NDST3: variants seen among roughly 807,000 people sequenced by gnomAD.
NDST3 encodes the protein bifunctional heparan sulfate N-deacetylase/N-sulfotransferase 3.
NDST3 carries 58 observed loss-of-function variants against 96.1 expected under a neutral mutation model. The ratio of observed to expected loss-of-function variants is 0.60; its 90% confidence interval spans 0.49 to 0.75. The LOEUF (loss-of-function observed/expected upper bound fraction) is 0.75, where lower values mean the gene tolerates loss of function less well. Ranked by LOEUF, NDST3 falls within the 30% of genes least tolerant of loss-of-function variation. The pLI, the probability that NDST3 is intolerant of heterozygous loss-of-function variation, is 0.00. For missense variants in NDST3, 788 were observed against 1,034.2 expected, an observed-to-expected ratio of 0.76 and a Z score of 3.27; for synonymous variants, 333 against 359.7, an observed-to-expected ratio of 0.93 and a Z score of 0.84.
intron 2 of NDST3, among the ~76,000 whole-genome samples, chr4:118,075,712 G>A (rs1005609862): frequency 2.0e-5 from 3 of 151,122 alleles, no homozygotes; most frequent in Non-Finnish European, 2.9e-5. Flanking sequence ...AAAAGTGTCT[G>A]TTCATGTCCT....
rs975235604 is a variant in NDST3, at chr4:118,255,885, C to G, written c.*173C>G. 1.4e-6 allele frequency: 1 copy of G among 733,904 alleles called. No individual in the cohort carries two copies. Among genetic ancestry groups the G allele is most frequent in the East Asian group, 3.2e-5 (1 of 31,714 alleles). The allele number at this position is 733,904 out of a possible 1,614,324, so 45.5% of individuals were successfully genotyped here. A position where few individuals can be genotyped will look rare whatever the true frequency, so the allele number is the denominator to read the frequency against. ...AGAAAAAAAGAAAAAGTATGTGTTA[C>G]AAGCCTTGAGGCCTGTGGCCTTTCT... On this transcript the variant is annotated 3_prime_UTR_variant, in exon 14 of 14. Transcript: ENST00000296499.
intron 1 of NDST3, among the ~76,000 whole-genome samples, chr4:118,041,982 A>G (rs1578524418): frequency 6.6e-6 from 1 of 152,334 alleles, no homozygotes; most frequent in East Asian, 1.9e-4. Context: ...GGAAGAATAC[A>G]GTTGGTCAGC....
chr4:118,056,698 A>T (rs971720395), intron 2 of NDST3, among the ~76,000 whole-genome samples: 1 of 151,948 alleles, frequency 6.6e-6, no homozygotes, highest in African/African-American at 2.4e-5. Flanking sequence ...TCCAGAGAAG[A>T]GGGGCAGGGG....
intron 1 of NDST3, among the ~76,000 whole-genome samples, chr4:118,050,571 A>T (rs991426129): frequency 5.9e-5 from 9 of 152,028 alleles, no homozygotes; most frequent in African/African-American, 2.2e-4. Flanking sequence ...TCCTATACAT[A>T]TATCAATAAT....
intron 1 of NDST3, among the ~76,000 whole-genome samples, chr4:118,045,095 A>G (rs1724688736): frequency 6.6e-6 from 1 of 152,074 alleles, no homozygotes; most frequent in Admixed American, 6.5e-5. Flanking sequence ...ACCCATACAT[A>G]GTCAAATTTA....
At chr4:118,143,147 G>A (rs1324719996) in intron 5 of NDST3, among the ~76,000 whole-genome samples, 4 of 152,094 alleles carry the variant, frequency 2.6e-5, no homozygotes, top group Non-Finnish European at 5.9e-5. Flanking sequence ...GCAGAATTTG[G>A]CAGAAAATAT....
intron 6 of NDST3, among the ~76,000 whole-genome samples, chr4:118,215,986 T>G (rs574218918): frequency 3.4e-4 from 52 of 152,124 alleles, no homozygotes; most frequent in African/African-American, 1.2e-3. Flanking sequence ...AAGAAGAATA[T>G]CCAGTAGTAC....
intron 6 of NDST3, among the ~76,000 whole-genome samples, chr4:118,170,944 G>C (rs1365020770): frequency 6.6e-6 from 1 of 152,088 alleles, no homozygotes; most frequent in Non-Finnish European, 1.5e-5. Context: ...TAGAAGGCAG[G>C]CTGCTTACCA....
At chr4:118,171,985 C>T (rs1051755011) in intron 6 of NDST3, among the ~76,000 whole-genome samples, 1 of 152,094 alleles carries the variant, frequency 6.6e-6, no homozygotes, top group Non-Finnish European at 1.5e-5. Context: ...TTCCATGTCC[C>T]CTTCTGTAAA....
chr4:118,196,950 T>C (rs1047690415), intron 6 of NDST3, among the ~76,000 whole-genome samples: 6 of 151,850 alleles, frequency 4.0e-5, no homozygotes, highest in Admixed American at 6.5e-5. Context: ...TGAAGTTTTT[T>C]TTTTTTTTAA....
rs896633649 is a variant in NDST3, at chr4:118,255,678, C to T, written c.2588C>T (p.Ser863Phe). The T allele has an allele frequency of 1.2e-6, 2 of 1,613,608 alleles. No homozygotes were observed. The highest frequency in any genetic ancestry group is 1.7e-6 in the Non-Finnish European group (2 of 1,179,678). The change falls in exon 14 of 14, where the codon TCC (serine) becomes TTC (phenylalanine). Residue 863 changes from serine to phenylalanine, a missense_variant. Coordinates refer to ENST00000296499, the MANE Select transcript of NDST3 (RefSeq NM_004784.3). ...LLHKLGQPLP[S>F]WLRQELQKVR ...CACAAACTGGGTCAGCCTCTGCCATCCTGGCTGAGACAGGAGCTGCAGAAA... is the reference window on the plus strand; with the variant it reads ...CACAAACTGGGTCAGCCTCTGCCATTCTGGCTGAGACAGGAGCTGCAGAAA...
intron 6 of NDST3, among the ~76,000 whole-genome samples, chr4:118,155,831 T>C (rs1734677470): frequency 6.6e-6 from 1 of 152,196 alleles, no homozygotes; most frequent in South Asian, 2.1e-4. Context: ...AGTTGTGCTT[T>C]TTATTTGACC....
intron 1 of NDST3, among the ~76,000 whole-genome samples, 156 bp downstream of exon 1, chr4:118,034,748 GATTAA>G (rs1427497909): frequency 1.3e-5 from 2 of 152,190 alleles, no homozygotes; most frequent in African/African-American, 2.4e-5. Context: ...AGAGTATTTT[GATTAA>G]ATTAAGTGAA....
At position 118,178,465 on chromosome 4, in the gene NDST3, G is replaced by A. The variant is rs530134504; in HGVS notation, c.1539+34781G>A. ...TATTGTTACTGGCTTATTTCACTTA[G>A]CATAATATCCTCAAGGTTCATTGAT... On this transcript the variant is annotated intron_variant, in intron 6 of 13. Transcript: ENST00000296499. 3.1e-3 allele frequency among the ~76,000 whole-genome samples: 472 copies of A among 152,116 alleles called. 1 individual carries two copies. The highest frequency in any genetic ancestry group is 0.011 in the African/African-American group (441 of 41,556).
chr4:118,209,370 G>A (rs1175221656), intron 6 of NDST3, among the ~76,000 whole-genome samples: 5 of 152,042 alleles, frequency 3.3e-5, no homozygotes, highest in East Asian at 1.9e-4. Context: ...ACTGCAATGG[G>A]GTCTTTCAGA....
chr4:118,254,626 T>C (rs1002859222), intron 13 of NDST3, among the ~76,000 whole-genome samples: 69 of 152,322 alleles, frequency 4.5e-4, no homozygotes, highest in African/African-American at 1.7e-3. Context: ...TAGTTAGTAG[T>C]TTCAATATAA....
chr4:118,122,166 A>C (rs1051904004), intron 4 of NDST3, among the ~76,000 whole-genome samples: 1 of 152,180 alleles, frequency 6.6e-6, no homozygotes, highest in Non-Finnish European at 1.5e-5. Flanking sequence ...TGGACACAAA[A>C]TGAACTAACA....
At chr4:118,093,923 T>C (rs775567667) in intron 2 of NDST3, among the ~76,000 whole-genome samples, 45 of 151,812 alleles carry the variant, frequency 3.0e-4, no homozygotes, top group Non-Finnish European at 6.0e-4. Context: ...GCTTCCAAAA[T>C]GGAACCTTGT....
intron 2 of NDST3, among the ~76,000 whole-genome samples, chr4:118,085,021 G>A (rs1728309560): frequency 6.6e-6 from 1 of 152,146 alleles, no homozygotes; most frequent in African/African-American, 2.4e-5. Flanking sequence ...GTACTCCGGA[G>A]GCTGAGGCAG....
Sources: allele counts gnomAD v4.1 joint callset (sites outside exome capture counted in the v4.1 genomes callset), GRCh38; gene constraint gnomAD v4.1.1; transcripts MANE v1.5; gene names NCBI Gene and HGNC (gene_info 2026-07-23, HGNC 2026-07-21).